ERP44: variants seen among roughly 807,000 people sequenced by gnomAD.
ERP44 encodes endoplasmic reticulum protein 44, also known as endoplasmic reticulum resident protein 44.
A neutral mutation model predicts 53.4 loss-of-function variants in ERP44; 25 were observed. The ratio of observed to expected loss-of-function variants is 0.47; its 90% CI spans 0.34 to 0.65. ERP44 has a LOEUF of 0.65. Among genes scored for constraint, ERP44 ranks in the 30% least tolerant of loss-of-function variants. ERP44 has a pLI of 0.01. For missense variants in ERP44, 338 were observed against 493.2 expected (o/e 0.69, Z 2.98); for synonymous variants, 145 against 161.2 (o/e 0.90, Z 0.76).
intron 3 of ERP44, among the ~76,000 whole-genome samples, chr9:100,052,787 G>GAA (rs544728547): frequency 6.6e-6 from 1 of 152,166 alleles, no homozygotes; most frequent in Non-Finnish European, 1.5e-5. Context: ...CCAGTATTAT[G>GAA]GAGCACACAG....
At chr9:100,024,875 T>G (rs1255432656) in intron 4 of ERP44, among the ~76,000 whole-genome samples, 1 of 152,194 alleles carries the variant, frequency 6.6e-6, no homozygotes, top group Non-Finnish European at 1.5e-5. Context: ...CTATTATCAG[T>G]AAGTTAATTC....
At chr9:100,087,009 A>T (rs974497467) in intron 1 of ERP44, among the ~76,000 whole-genome samples, 2 of 150,352 alleles carry the variant, frequency 1.3e-5, no homozygotes, top group Admixed American at 1.3e-4. Context: ...CCTATTTTAT[A>T]AATAAAAAAA....
intron 1 of ERP44, among the ~76,000 whole-genome samples, chr9:100,074,789 G>A (rs1040141271): frequency 1.3e-5 from 2 of 152,168 alleles, no homozygotes; most frequent in Non-Finnish European, 2.9e-5. Flanking sequence ...AAATGTCATC[G>A]TGGTCCTCCA....
intron 3 of ERP44, among the ~76,000 whole-genome samples, chr9:100,056,171 C>A (rs1826086486): frequency 6.6e-6 from 1 of 152,102 alleles, no homozygotes; most frequent in Non-Finnish European, 1.5e-5. Context: ...AGTTGGGTAA[C>A]CTTGGGAAAG....
At chr9:100,075,007 G>A (rs1452703551) in intron 1 of ERP44, among the ~76,000 whole-genome samples, 2 of 152,194 alleles carry the variant, frequency 1.3e-5, no homozygotes, top group African/African-American at 2.4e-5. Context: ...GGTGGGAAAA[G>A]CCAAATGGAA....
chr9:100,067,805 C>A (rs890115076), intron 1 of ERP44, among the ~76,000 whole-genome samples: 1 of 152,120 alleles, frequency 6.6e-6, no homozygotes, highest in Non-Finnish European at 1.5e-5. Flanking sequence ...TGCCCAGCCG[C>A]CCATCGTCTG....
At chr9:100,052,587 T>G in intron 3 of ERP44, 55 bp from the exon 4 acceptor site, 1 of 955,642 alleles carries the variant, frequency 1.0e-6, no homozygotes, top group South Asian at 1.6e-5. Context: ...AATAAAATCT[T>G]ATTTCCGTTA....
At chr9:99,994,045 CT>C (rs1311865200) in intron 10 of ERP44, among the ~76,000 whole-genome samples, 5 of 152,188 alleles carry the variant, frequency 3.3e-5, no homozygotes, top group Non-Finnish European at 5.9e-5. Flanking sequence ...CGCTTTTACA[CT>C]GTTGGTGGGA....
At chr9:100,042,111 G>A (rs1825911537) in intron 4 of ERP44, among the ~76,000 whole-genome samples, 1 of 152,088 alleles carries the variant, frequency 6.6e-6, no homozygotes, top group Admixed American at 6.5e-5. Context: ...AATCAACAAA[G>A]TGAAAAGACA....
intron 8 of ERP44, among the ~76,000 whole-genome samples, chr9:100,015,598 A>G (rs557516067): frequency 6.6e-6 from 1 of 152,346 alleles, no homozygotes; most frequent in South Asian, 2.1e-4. Flanking sequence ...CTGCTTTACA[A>G]AAAACAGAAA....
chr9:100,023,945 A>G (rs1416303093), intron 4 of ERP44, among the ~76,000 whole-genome samples: 1 of 152,118 alleles, frequency 6.6e-6, no homozygotes, highest in African/African-American at 2.4e-5. Context: ...ACTTGAGGTC[A>G]GGAGTTTGAG....
At chr9:100,000,776 T>A (rs1224610844) in intron 10 of ERP44, among the ~76,000 whole-genome samples, 2 of 152,122 alleles carry the variant, frequency 1.3e-5, no homozygotes, top group East Asian at 3.8e-4. Flanking sequence ...GCTAAAAGTT[T>A]TAAAATTTTA....
chr9:99,979,808 A>T lies in ERP44; in HGVS notation c.*2804T>A. The T allele has an allele frequency of 2.7e-6, 1 of 376,994 alleles. No homozygotes were observed. Among genetic ancestry groups the T allele is most frequent in the Non-Finnish European group, 4.7e-6 (1 of 212,002 alleles). 23.4% of individuals were successfully genotyped at this position (376,994 alleles called of 1,614,324 possible). ...GGTCTGATTCACGGTTCAGAGGGGG[A>T]ACAAGTCTAAATTTGAGACGTGCTT... On this transcript the variant is annotated 3_prime_UTR_variant, in exon 12 of 12. Coordinates refer to ENST00000262455, the MANE Select transcript of ERP44 (RefSeq NM_015051.3).
In ERP44 at chr9:100,060,175, G is replaced by A; in HGVS notation, c.58-3C>T. ...ACAGGAGTAAAAACCCAAGTTACCTGAAAATTTAAAAAATGAGAAATTAAT... is the reference window on the plus strand; with the variant it reads ...ACAGGAGTAAAAACCCAAGTTACCTAAAAATTTAAAAAATGAGAAATTAAT... On this transcript the variant is annotated splice_region_variant and splice_polypyrimidine_tract_variant and intron_variant, in intron 1 of 11. Transcript: ENST00000262455. The A allele has an allele frequency of 6.7e-7, 1 of 1,493,852 alleles. No individual in the cohort carries two copies. Among genetic ancestry groups the A allele is most frequent in the Non-Finnish European group, 8.9e-7 (1 of 1,123,820 alleles). 92.5% of individuals were successfully genotyped at this position (1,493,852 alleles called of 1,614,324 possible). A position where few individuals can be genotyped will look rare whatever the true frequency, so the allele number is the denominator to read the frequency against.
At chr9:99,993,649 A>G (rs1336886049) in intron 10 of ERP44, among the ~76,000 whole-genome samples, 1 of 152,390 alleles carries the variant, frequency 6.6e-6, no homozygotes, top group South Asian at 2.1e-4. Flanking sequence ...AACAAAAGCC[A>G]AAATTGACAA....
intron 10 of ERP44, among the ~76,000 whole-genome samples, chr9:99,999,848 T>G (rs1186151528): frequency 6.6e-6 from 1 of 152,176 alleles, no homozygotes; most frequent in Non-Finnish European, 1.5e-5. Flanking sequence ...GAGATGATAT[T>G]TGTATACGGG....
intron 1 of ERP44, among the ~76,000 whole-genome samples, chr9:100,061,530 ATATATTTATAGAAACG>A (rs2118719097): frequency 7.0e-6 from 1 of 142,948 alleles, no homozygotes; most frequent in African/African-American, 2.7e-5. Context: ...ATAGAAACGT[ATATATTTATAGAAACG>A]TATATATTTA....
chr9:100,057,956 C>T lies in ERP44; in HGVS notation c.131-97G>A, dbSNP rs904109737. On this transcript the variant is annotated intron_variant, in intron 2 of 11. Coordinates refer to ENST00000262455, the MANE Select transcript of ERP44 (RefSeq NM_015051.3). ...ATGATCTTTGTCCAATATAAGGGTC[C>T]ACTTAAAAAAACACAGTAACTATTA... 22 of 942,084 alleles carry T rather than the reference C, an allele frequency of 2.3e-5. No individual in the cohort carries two copies. In the African/African-American group the frequency reaches 3.2e-4, roughly 14 times the overall value. 58.4% of individuals were successfully genotyped at this position (942,084 alleles called of 1,614,324 possible). A position where few individuals can be genotyped will look rare whatever the true frequency, so the allele number is the denominator to read the frequency against.
chr9:99,988,767 C>A lies in ERP44; in HGVS notation c.1017-3698G>T, dbSNP rs370770832. On this transcript the variant is annotated intron_variant, in intron 10 of 11. Transcript: ENST00000262455. Reference sequence around the variant, plus strand: ...GAAGCACAAGGGATTGGGGGATTTACCTTTCCTAGCCAAGGGAAGCCATGA... The same window carrying A: ...GAAGCACAAGGGATTGGGGGATTTAACTTTCCTAGCCAAGGGAAGCCATGA... Among the ~76,000 whole-genome samples the A allele has an allele frequency of 1.0e-3, 155 of 152,340 alleles. 4 individuals carry two copies. The South Asian group carries it at 0.03, about 30-fold the overall frequency.
Sources: allele counts gnomAD v4.1 joint callset (sites outside exome capture counted in the v4.1 genomes callset), GRCh38; gene constraint gnomAD v4.1.1; transcripts MANE v1.5; gene names NCBI Gene and HGNC (gene_info 2026-07-23, HGNC 2026-07-21).